Variants in KNSTRN observed in about 807,000 individuals in gnomAD.
KNSTRN encodes the protein small kinetochore-associated protein.
Under a neutral mutation model 44.7 loss-of-function variants are expected in KNSTRN, and 38 were observed. The ratio of observed to expected loss-of-function variants is 0.85; its 90% CI spans 0.66 to 1.11. The LOEUF (loss-of-function observed/expected upper bound fraction) is 1.11, where lower values mean the gene tolerates loss of function less well. Among genes scored for constraint, KNSTRN ranks in the 50% most tolerant of loss-of-function variants. The pLI is 0.00. For missense variants in KNSTRN, 406 were observed against 375.8 expected, an observed-to-expected ratio of 1.08 and a Z score of -0.66; for synonymous variants, 158 against 148.1, an observed-to-expected ratio of 1.07 and a Z score of -0.48.
intron 8 of KNSTRN, among the ~76,000 whole-genome samples, chr15:40,392,697 G>A (rs778880740): frequency 1.1e-4 from 16 of 152,120 alleles, no homozygotes; most frequent in Non-Finnish European, 1.8e-4. Flanking sequence ...TGCAACCTCC[G>A]CCTCCCGGGT....
At chr15:40,386,624 A>G (rs921502029) in intron 3 of KNSTRN, 130 bp downstream of exon 3, 2 of 884,270 alleles carry the variant, frequency 2.3e-6, no homozygotes, top group Admixed American at 2.6e-5. Context: ...GGCCCAGAGC[A>G]GTGCAGCATT....
At position 40,383,337 on chromosome 15, in the gene KNSTRN, C is replaced by G. The variant is rs779128037; in HGVS notation, c.304+15C>G. On this transcript the variant is annotated intron_variant, in intron 2 of 8. Coordinates refer to ENST00000249776, the MANE Select transcript of KNSTRN (RefSeq NM_033286.4). ...CCAGCCGGCAGGTGAGGGTCCAAGC[C>G]ACGCCCGGGGCACTGCGGCCTGGCC... 1.3e-6 allele frequency: 2 copies of G among 1,598,898 alleles called. No individual in the cohort carries two copies. The highest frequency in any genetic ancestry group is 1.7e-6 in the Non-Finnish European group (2 of 1,167,866).
chr15:40,384,941 T>G (rs1395870514), intron 2 of KNSTRN: 2 of 153,116 alleles, frequency 1.3e-5, no homozygotes, highest in African/African-American at 4.8e-5. Context: ...CAATGAAGAG[T>G]GTTAATTTTG....
At chr15:40,392,360 A>G (rs1248869797) in intron 8 of KNSTRN, among the ~76,000 whole-genome samples, 1 of 152,092 alleles carries the variant, frequency 6.6e-6, no homozygotes, top group Non-Finnish European at 1.5e-5. Context: ...CACCCCCAAT[A>G]GTAACATCTT....
chr15:40,391,645 C>A, intron 7 of KNSTRN, 91 bp downstream of exon 7: 1 of 1,041,954 alleles, frequency 9.6e-7, no homozygotes. Context: ...TCCATAAACT[C>A]CAAGAAACAG....
At chr15:40,390,032 G>A (rs1325977524) in intron 6 of KNSTRN, 103 bp downstream of exon 6, 1 of 864,812 alleles carries the variant, frequency 1.2e-6, no homozygotes, top group Non-Finnish European at 1.9e-6. Context: ...AGTATGTGCA[G>A]GGGTTACTTT....
chr15:40,389,164 A>T, intron 4 of KNSTRN: 1 of 456,840 alleles, frequency 2.2e-6, no homozygotes, highest in Non-Finnish European at 4.4e-6. Context: ...TTTTTTTTTT[A>T]GACGGAGTTT....
chr15:40,386,275 A>G, intron 2 of KNSTRN, 87 bp from the exon 3 acceptor site: 1 of 1,317,880 alleles, frequency 7.6e-7, no homozygotes, highest in Non-Finnish European at 1.0e-6. Context: ...AAGATTTATG[A>G]CAACTTCGAA....
intron 6 of KNSTRN, among the ~76,000 whole-genome samples, chr15:40,391,066 A>C (rs1294562176): frequency 2.0e-5 from 3 of 152,174 alleles, no homozygotes; most frequent in Non-Finnish European, 4.4e-5. Context: ...ACAGGTGTGC[A>C]CCACCACATC....
rs367599710 is a variant in KNSTRN at position 40,382,976 on chromosome 15, G to T, written c.141G>T (p.Thr47=). The change falls in exon 1 of 9, where the codon ACG becomes ACT. Residue 47 remains threonine (T), a synonymous_variant. Transcript: ENST00000249776. The part of the protein sequence containing the change: ...ETQAADLAGG[T]TVAAGNLLNE... ...AGGCGGCCGACTTAGCCGGTGGCAC[G>T]ACAGTTGCTGCAGGGAATCTTTTAA... 5.7e-5 allele frequency: 92 copies of T among 1,612,100 alleles called. No individual in the cohort carries two copies. Among genetic ancestry groups the T allele is most frequent in the Non-Finnish European group, 7.3e-5 (86 of 1,180,042 alleles).
Position 40,392,012 on chromosome 15 carries a change from G to A in KNSTRN, c.811G>A (p.Glu271Lys). The change falls in exon 8 of 9, where the codon GAG becomes AAG. Residue 271 changes from glutamate to lysine, a missense_variant. By Grantham distance (56) the Glu-to-Lys change is moderately conservative. Coordinates refer to ENST00000249776, the MANE Select transcript of KNSTRN (RefSeq NM_033286.4). ...LFNETAKKQMEELQALKVKLE... is the reference protein window; with the variant it reads ...LFNETAKKQMKELQALKVKLE... ...TAACGAAACAGCCAAAAAGCAGATGGAGGAGTTACAGGTGAGAGGCAGACA... is the reference window on the plus strand; with the variant it reads ...TAACGAAACAGCCAAAAAGCAGATGAAGGAGTTACAGGTGAGAGGCAGACA... The A allele has an allele frequency of 6.2e-7, 1 of 1,610,556 alleles. No individual in the cohort carries two copies. Among genetic ancestry groups the A allele is most frequent in the Non-Finnish European group, 8.5e-7 (1 of 1,178,730 alleles).
At position 40,389,944 on chromosome 15, in the gene KNSTRN, A is replaced by C. The variant is rs1161916347; in HGVS notation, c.685+15A>C. Reference sequence around the variant, plus strand: ...CCTTGATCCAGGTAAGAGACAGCACACAGCTAGCCTCCTTTGAAGGAATTG... The same window carrying C: ...CCTTGATCCAGGTAAGAGACAGCACCCAGCTAGCCTCCTTTGAAGGAATTG... On this transcript the variant is annotated intron_variant, in intron 6 of 8. Transcript: ENST00000249776. 1 of 1,603,908 alleles carries C rather than the reference A, an allele frequency of 6.2e-7. No individual in the cohort carries two copies. Among genetic ancestry groups the C allele is most frequent in the Non-Finnish European group, 8.5e-7 (1 of 1,170,620 alleles).
chr15:40,383,369 G>A, intron 2 of KNSTRN, 47 bp downstream of exon 2: 2 of 1,467,762 alleles, frequency 1.4e-6, no homozygotes, highest in Non-Finnish European at 9.4e-7. Flanking sequence ...GGCCGGGGAT[G>A]GTCTCGGGAG....
In KNSTRN at chr15:40,389,660, C is replaced by T. The variant is rs548690464; in HGVS notation, c.591+49C>T. 3 of 1,416,652 alleles carry T rather than the reference C, an allele frequency of 2.1e-6. No homozygotes were observed. The South Asian group carries it at 3.5e-5, about 16-fold the overall frequency. The allele number at this position is 1,416,652 out of a possible 1,614,324, so 87.8% of individuals were successfully genotyped here. A position where few individuals can be genotyped will look rare whatever the true frequency, so the allele number is the denominator to read the frequency against. ...TTACCAGCTGCCACTGGGCGATCCACATGGAATCCTGATGGGTGGCCCCTT... is the reference window on the plus strand; with the variant it reads ...TTACCAGCTGCCACTGGGCGATCCATATGGAATCCTGATGGGTGGCCCCTT... On this transcript the variant is annotated intron_variant, in intron 5 of 8. Transcript: ENST00000249776.
At chr15:40,388,080 T>C (rs912853051) in intron 4 of KNSTRN, among the ~76,000 whole-genome samples, 6 of 152,190 alleles carry the variant, frequency 3.9e-5, no homozygotes, top group South Asian at 2.1e-4. Context: ...AACTCTAATA[T>C]TGGTTGCTGA....
chr15:40,384,564 G>A (rs1889872288), intron 2 of KNSTRN: 1 of 448,850 alleles, frequency 2.2e-6, no homozygotes, highest in Non-Finnish European at 4.5e-6. Context: ...GTGCCCCTGA[G>A]TCAGTGGGCA....
intron 2 of KNSTRN, 88 bp downstream of exon 2, chr15:40,383,410 G>T: frequency 1.0e-6 from 1 of 1,000,364 alleles, no homozygotes; most frequent in East Asian, 2.5e-5. Flanking sequence ...CGCGGGCACG[G>T]GGAAGGGCGT....
chr15:40,387,068 T>C, intron 3 of KNSTRN, 91 bp from the exon 4 acceptor site: 1 of 949,350 alleles, frequency 1.1e-6, no homozygotes, highest in South Asian at 1.4e-5. Context: ...GGTTCTTTCC[T>C]CAGAAACTCA....
intron 4 of KNSTRN, chr15:40,389,213 A>G (rs1011423403): frequency 1.1e-5 from 5 of 475,552 alleles, no homozygotes; most frequent in Non-Finnish European, 2.1e-5. Context: ...CAATGGCGCA[A>G]TCTCAGCTCA....
Sources: gnomAD v4.1 joint callset for allele counts (sites outside exome capture counted in the v4.1 genomes callset) on GRCh38, gnomAD v4.1.1 for gene constraint, MANE v1.5 for transcripts, NCBI Gene and HGNC (gene_info 2026-07-23, HGNC 2026-07-21) for gene names.